Variants in UMODL1 observed in about 807,000 individuals in gnomAD.
UMODL1 encodes uromodulin-like 1.
UMODL1 carries 128 observed loss-of-function variants against 136.3 expected under a neutral mutation model. The ratio of observed to expected loss-of-function variants is 0.94; its 90% CI spans 0.81 to 1.09. The LOEUF is 1.09. UMODL1 is among the 50% of genes least tolerant of loss of function. The pLI, the probability that UMODL1 is intolerant of heterozygous loss-of-function variation, is 0.00. For synonymous variants in UMODL1, 721 were observed against 720.0 expected (o/e 1.00, Z -0.02); for missense variants, 1,766 against 1,725.6 (o/e 1.02, Z -0.41).
intron 21 of UMODL1, among the ~76,000 whole-genome samples, chr21:42,135,597 G>C (rs2839472): frequency 6.6e-6 from 1 of 152,108 alleles, no homozygotes; most frequent in African/African-American, 2.4e-5. Flanking sequence ...AAGGTGGCCC[G>C]TCACTCGAGG....
chr21:42,073,025 C>T (rs1490908145), intron 1 of UMODL1, among the ~76,000 whole-genome samples: 2 of 151,992 alleles, frequency 1.3e-5, no homozygotes, highest in African/African-American at 4.8e-5. Flanking sequence ...TGTGTGTGCG[C>T]GCGCGCGTGT....
intron 4 of UMODL1, among the ~76,000 whole-genome samples, chr21:42,086,324 G>C (rs2066426426): frequency 6.6e-6 from 1 of 152,228 alleles, no homozygotes; most frequent in Non-Finnish European, 1.5e-5. Context: ...CAGATCTTTT[G>C]TGTGTCCCAT....
Position 42,111,764 on chromosome 21 carries a change from T to C in UMODL1, c.2104+54T>C. 3 of 1,493,180 alleles carry C rather than the reference T, an allele frequency of 2.0e-6. No individual in the cohort carries two copies. In the Admixed American group the frequency reaches 6.1e-5, roughly 30 times the overall value. The allele number at this position is 1,493,180 out of a possible 1,614,324, so 92.5% of individuals were successfully genotyped here. A position where few individuals can be genotyped will look rare whatever the true frequency, so the allele number is the denominator to read the frequency against. The stretch of plus-strand genomic sequence containing the variant: ...TAGGACTAATAGGACCCATAGCCTG[T>C]GTGAGCCTCTGGGGCAAAGCTCCTG... On this transcript the variant is annotated intron_variant, in intron 12 of 22. Coordinates refer to ENST00000408910, the MANE Select transcript of UMODL1 (RefSeq NM_001004416.3).
chr21:42,133,213 A>G (rs1220605449), intron 21 of UMODL1, among the ~76,000 whole-genome samples: 2 of 152,210 alleles, frequency 1.3e-5, no homozygotes, highest in African/African-American at 4.8e-5. Context: ...GACTGCAGAG[A>G]TGAGAGGAGG....
chr21:42,126,587 C>G, intron 18 of UMODL1, 97 bp downstream of exon 18: 2 of 1,551,684 alleles, frequency 1.3e-6, no homozygotes, highest in Non-Finnish European at 1.8e-6. Context: ...AAGGACCCTT[C>G]CTTGAGATGG....
At chr21:42,107,445 C>T (rs915733786) in intron 9 of UMODL1, among the ~76,000 whole-genome samples, 1 of 152,224 alleles carries the variant, frequency 6.6e-6, no homozygotes, top group African/African-American at 2.4e-5. Context: ...CCTTTCCATC[C>T]CCTCTGCAGA....
intron 22 of UMODL1, among the ~76,000 whole-genome samples, chr21:42,138,742 G>T (rs1235710411): frequency 6.6e-6 from 1 of 152,006 alleles, no homozygotes; most frequent in Non-Finnish European, 1.5e-5. Context: ...CACCCAGCTA[G>T]TTTTGTATTT....
At chr21:42,121,839 T>A (rs919001536) in intron 16 of UMODL1, among the ~76,000 whole-genome samples, 3 of 152,138 alleles carry the variant, frequency 2.0e-5, no homozygotes, top group African/African-American at 7.2e-5. Flanking sequence ...AGGGAGGGCT[T>A]CCTGGAAGTG....
Position 42,107,244 on chromosome 21 carries a change from G to A in UMODL1, c.1520-2318G>A, listed in dbSNP as rs543892668. ...CACTGGGCTTCTATGAGGCACCGCTGTGAACCCTCTGCACCGACCTTAGCC... is the reference window on the plus strand; with the variant it reads ...CACTGGGCTTCTATGAGGCACCGCTATGAACCCTCTGCACCGACCTTAGCC... On this transcript the variant is annotated intron_variant, in intron 9 of 22. Coordinates refer to ENST00000408910, the MANE Select transcript of UMODL1 (RefSeq NM_001004416.3). Among the ~76,000 whole-genome samples the A allele has an allele frequency of 5.3e-5, 8 of 152,332 alleles. No homozygotes were observed. In the East Asian group the frequency reaches 1.5e-3, roughly 29 times the overall value.
chr21:42,066,885 T>C (rs1569135174), upstream of UMODL1, among the ~76,000 whole-genome samples: 1 of 152,252 alleles, frequency 6.6e-6, no homozygotes, highest in African/African-American at 2.4e-5. Flanking sequence ...TATCATCTTC[T>C]GGCTTAACGG....
rs1381493709 is a variant in UMODL1 at position 42,088,408 on chromosome 21, G to A, written c.718G>A (p.Val240Met). ...LLLGLPRPLPVADVSTLLGDI... is the reference protein window; with the variant it reads ...LLLGLPRPLPMADVSTLLGDI... The stretch of plus-strand genomic sequence containing the variant: ...ACTGGGCCTGCCACGGCCACTGCCT[G>A]TGGCTGACGTCTCCACCCTGCTGGG... The change falls in exon 5 of 23, where the codon GTG becomes ATG. Residue 240 changes from valine to methionine, a missense_variant. Val to Met is a conservative substitution (Grantham distance 21). Coordinates refer to ENST00000408910, the MANE Select transcript of UMODL1 (RefSeq NM_001004416.3). 2 of 1,614,042 alleles carry A rather than the reference G, an allele frequency of 1.2e-6. No homozygotes were observed. The highest frequency in any genetic ancestry group is 2.7e-5 in the African/African-American group (2 of 75,056).
chr21:42,103,528 CA>C, intron 8 of UMODL1: 1 of 400,162 alleles, frequency 2.5e-6, no homozygotes, highest in Non-Finnish European at 5.0e-6. Flanking sequence ...ATCAATCAAT[CA>C]GTCTTTCTCA....
chr21:42,101,628 GC>G, intron 7 of UMODL1: 1 of 441,154 alleles, frequency 2.3e-6, no homozygotes, highest in South Asian at 1.6e-5. Context: ...CCATCTTGAA[GC>G]TTTTTTCCAT....
At chr21:42,074,402 G>A (rs2066264349) in intron 1 of UMODL1, among the ~76,000 whole-genome samples, 1 of 152,202 alleles carries the variant, frequency 6.6e-6, no homozygotes, top group African/African-American at 2.4e-5. Flanking sequence ...CATATTCTGA[G>A]TTACTGGGGT....
In UMODL1 at chr21:42,125,440, C is replaced by T. The variant is rs144270860; in HGVS notation, c.3148-905C>T. Among the ~76,000 whole-genome samples the T allele has an allele frequency of 1.4e-3, 220 of 152,308 alleles. 2 individuals are homozygous for T. The highest frequency in any genetic ancestry group is 4.9e-3 in the African/African-American group (205 of 41,560). ...GAGGCACAGCTCACTCTGCCGAGCT[C>T]ATTCCGCCCCCTCGGGGGCTCTTCA... is the stretch of plus-strand genomic sequence containing the variant. On this transcript the variant is annotated intron_variant, in intron 17 of 22. Transcript: ENST00000408910.
chr21:42,135,588 A>C (rs1242252919), intron 21 of UMODL1, among the ~76,000 whole-genome samples: 1 of 152,196 alleles, frequency 6.6e-6, no homozygotes, highest in Non-Finnish European at 1.5e-5. Context: ...TGTGCTGGCA[A>C]GGTGGCCCGT....
intron 9 of UMODL1, 75 bp downstream of exon 9, chr21:42,104,162 A>C: frequency 1.4e-6 from 2 of 1,423,044 alleles, no homozygotes; most frequent in Non-Finnish European, 1.9e-6. Flanking sequence ...TATTTGAGTC[A>C]GTCTTTCCTT....
At chr21:42,139,916 A>G (rs2067256841) in intron 22 of UMODL1, among the ~76,000 whole-genome samples, 1 of 152,158 alleles carries the variant, frequency 6.6e-6, no homozygotes, top group African/African-American at 2.4e-5. Flanking sequence ...CATGGGCAGA[A>G]TCACTTCCAC....
chr21:42,103,302 G>A (rs1327197565), intron 8 of UMODL1: 2 of 205,660 alleles, frequency 9.7e-6, no homozygotes, highest in Admixed American at 1.0e-4. Context: ...AATGTTTTCA[G>A]AGAATTCCCT....
Sources: gnomAD v4.1 joint callset for allele counts (sites outside exome capture counted in the v4.1 genomes callset) on GRCh38, gnomAD v4.1.1 for gene constraint, MANE v1.5 for transcripts, NCBI Gene and HGNC (gene_info 2026-07-23, HGNC 2026-07-21) for gene names.